INPP4B: variants seen among roughly 807,000 people sequenced by gnomAD.
INPP4B encodes the protein inositol polyphosphate-4-phosphatase type II B.
In INPP4B, 55 loss-of-function variants were observed where a neutral mutation model predicts 122.5. That is an observed-to-expected ratio of 0.45 (90% CI 0.36 to 0.56). INPP4B has a LOEUF of 0.56. INPP4B is among the 20% of genes least tolerant of loss of function. The pLI is 0.00. For missense variants in INPP4B, 1,000 were observed against 1,097.7 expected (o/e 0.91, Z 1.26); for synonymous variants, 403 against 388.7 (o/e 1.04, Z -0.43).
chr4:142,074,190 G>T (rs1186903658), intron 25 of INPP4B, among the ~76,000 whole-genome samples: 2 of 152,032 alleles, frequency 1.3e-5, no homozygotes, highest in Non-Finnish European at 2.9e-5. Context: ...AACACAACAG[G>T]CCAGTGGTTT....
intron 2 of INPP4B, among the ~76,000 whole-genome samples, chr4:142,615,011 A>G (rs1287443326): frequency 3.9e-5 from 6 of 152,172 alleles, no homozygotes; most frequent in African/African-American, 1.4e-4. Flanking sequence ...AAATAGAACT[A>G]CCCTTTGATT....
intron 7 of INPP4B, among the ~76,000 whole-genome samples, chr4:142,386,778 T>A (rs1182759484): frequency 6.6e-6 from 1 of 152,172 alleles, no homozygotes; most frequent in African/African-American, 2.4e-5. Context: ...CGTAAATCAT[T>A]CCTTGCTCAA....
intron 2 of INPP4B, among the ~76,000 whole-genome samples, chr4:142,697,245 C>T (rs1222081347): frequency 2.0e-5 from 3 of 152,006 alleles, no homozygotes; most frequent in African/African-American, 7.3e-5. Context: ...GATGAACAAC[C>T]TCTATATCAT....
At chr4:142,685,857 C>A (rs1285171651) in intron 2 of INPP4B, among the ~76,000 whole-genome samples, 1 of 152,028 alleles carries the variant, frequency 6.6e-6, no homozygotes, top group African/African-American at 2.4e-5. Context: ...ATAGGTAAGT[C>A]TATAAAAATT....
chr4:142,385,085 C>G (rs1795513992), intron 7 of INPP4B, among the ~76,000 whole-genome samples: 1 of 152,118 alleles, frequency 6.6e-6, no homozygotes, highest in Non-Finnish European at 1.5e-5. Context: ...ATGCATGCAT[C>G]CTTATGATAG....
chr4:142,277,668 TAC>T (rs1554024538), intron 9 of INPP4B, among the ~76,000 whole-genome samples: 1 of 101,650 alleles, frequency 9.8e-6, no homozygotes. Flanking sequence ...GAAAATATCA[TAC>T]ACACACACAC....
chr4:142,151,877 C>T (rs1814120458), intron 17 of INPP4B, among the ~76,000 whole-genome samples: 1 of 152,086 alleles, frequency 6.6e-6, no homozygotes, highest in African/African-American at 2.4e-5. Flanking sequence ...CGGCTCAGCG[C>T]TGAACATCAA....
chr4:142,747,325 C>T (rs1768914181), intron 1 of INPP4B, among the ~76,000 whole-genome samples: 2 of 152,030 alleles, frequency 1.3e-5, no homozygotes, highest in Admixed American at 6.6e-5. Context: ...GATGACATAC[C>T]AACTCACACC....
chr4:142,663,346 C>G (rs1007756952), intron 2 of INPP4B, among the ~76,000 whole-genome samples: 1 of 151,986 alleles, frequency 6.6e-6, no homozygotes, highest in Non-Finnish European at 1.5e-5. Context: ...GAGAACAGGT[C>G]TGTATATTGA....
At chr4:142,559,307 T>C (rs1234937853) in intron 2 of INPP4B, among the ~76,000 whole-genome samples, 1 of 152,190 alleles carries the variant, frequency 6.6e-6, no homozygotes, top group Non-Finnish European at 1.5e-5. Context: ...GTTGCAAGTT[T>C]TTTTCACTGT....
intron 1 of INPP4B, among the ~76,000 whole-genome samples, chr4:142,783,824 A>G (rs2151036878): frequency 6.6e-6 from 1 of 152,244 alleles, no homozygotes; most frequent in South Asian, 2.1e-4. Context: ...CTAATGTACT[A>G]GATTCTGGGT....
intron 1 of INPP4B, among the ~76,000 whole-genome samples, chr4:142,832,442 C>T (rs978836371): frequency 6.6e-6 from 1 of 152,138 alleles, no homozygotes; most frequent in Admixed American, 6.5e-5. Flanking sequence ...GCTAAATAAC[C>T]ATTTTCCAAT....
chr4:142,369,832 G>A (rs7674682), intron 7 of INPP4B, among the ~76,000 whole-genome samples: 15,671 of 150,862 alleles, frequency 0.1, 1,054 homozygotes, highest in South Asian at 0.16. Context: ...TTGGGAGGCT[G>A]AGGCAGAAGA....
chr4:142,123,548 A>T, intron 19 of INPP4B, 133 bp from the exon 20 acceptor site: 1 of 819,004 alleles, frequency 1.2e-6, no homozygotes, highest in Non-Finnish European at 1.9e-6. Context: ...ACTATTTGGT[A>T]GGCATAGTAA....
intron 1 of INPP4B, among the ~76,000 whole-genome samples, chr4:142,734,835 G>T (rs759849297): frequency 1.2e-4 from 18 of 152,102 alleles, no homozygotes; most frequent in Non-Finnish European, 2.2e-4. Flanking sequence ...AGTAGAGATG[G>T]GGTTACACCA....
intron 1 of INPP4B, among the ~76,000 whole-genome samples, chr4:142,798,768 A>C (rs1190131560): frequency 6.6e-6 from 1 of 151,908 alleles, no homozygotes; most frequent in Non-Finnish European, 1.5e-5. Flanking sequence ...GAAAGTTGAT[A>C]AATCAATTAG....
intron 9 of INPP4B, among the ~76,000 whole-genome samples, chr4:142,299,161 T>G (rs1760187625): frequency 6.9e-6 from 1 of 144,380 alleles, no homozygotes; most frequent in Non-Finnish European, 1.5e-5. Context: ...TCTTTCTTTT[T>G]TTTTTTTTGG....
At chr4:142,087,957 G>C (rs3775624) in intron 23 of INPP4B, among the ~76,000 whole-genome samples, 38,053 of 151,908 alleles carry the variant, frequency 0.25, 4,793 homozygotes, top group East Asian at 0.3. Flanking sequence ...GTTTAGGGAA[G>C]TGAGGTTCAA....
chr4:142,418,159 A>G (rs1183635373), intron 5 of INPP4B, among the ~76,000 whole-genome samples: 11 of 152,110 alleles, frequency 7.2e-5, no homozygotes, highest in Admixed American at 5.2e-4. Flanking sequence ...CCAAGGCCAA[A>G]AGACTCTATT....
Sources: allele counts gnomAD v4.1 joint callset (sites outside exome capture counted in the v4.1 genomes callset), GRCh38; gene constraint gnomAD v4.1.1; transcripts MANE v1.5; gene names NCBI Gene and HGNC (gene_info 2026-07-23, HGNC 2026-07-21).